The following ADAMTS9 variants were observed in gnomAD, a reference collection of about 807,000 sequenced individuals.
ADAMTS9 encodes the protein A disintegrin and metalloproteinase with thrombospondin motifs 9.
ADAMTS9 carries 107 observed loss-of-function variants against 257.1 expected under a neutral mutation model. The observed-to-expected ratio is 0.42, with a 90% CI of 0.36 to 0.49. The LOEUF is 0.49. Among genes scored for constraint, ADAMTS9 ranks in the 20% least tolerant of loss-of-function variants. The pLI is 0.03. For missense variants in ADAMTS9, 2,353 were observed against 2,469.1 expected, an observed-to-expected ratio of 0.95 and a Z score of 1.00; for synonymous variants, 982 against 880.9, an observed-to-expected ratio of 1.11 and a Z score of -2.03.
intron 28 of ADAMTS9, chr3:64,592,801 A>T (rs978197346): frequency 1.3e-5 from 2 of 152,024 alleles, no homozygotes; most frequent in Non-Finnish European, 2.9e-5. Context: ...AAAGTTAATG[A>T]ACTACGACTT....
intron 19 of ADAMTS9, among the ~76,000 whole-genome samples, chr3:64,619,334 C>G (rs1576124265): frequency 1.3e-5 from 2 of 152,068 alleles, no homozygotes; most frequent in South Asian, 4.2e-4. Flanking sequence ...TTTCTTTTCA[C>G]AAAGGAAGAG....
At chr3:64,622,140 A>T in intron 18 of ADAMTS9, 58 bp downstream of exon 18, 1 of 1,521,058 alleles carries the variant, frequency 6.6e-7, no homozygotes, top group Non-Finnish European at 8.8e-7. Flanking sequence ...TATTAAAAAT[A>T]AATAAATAAA....
intron 16 of ADAMTS9, among the ~76,000 whole-genome samples, chr3:64,629,851 A>G (rs1700324974): frequency 6.6e-6 from 1 of 152,238 alleles, no homozygotes; most frequent in Admixed American, 6.5e-5. Context: ...TAAATATCAT[A>G]CTTGATTAGC....
At chr3:64,552,120 T>C (rs534236473) in intron 30 of ADAMTS9, among the ~76,000 whole-genome samples, 1 of 152,176 alleles carries the variant, frequency 6.6e-6, no homozygotes, top group Non-Finnish European at 1.5e-5. Flanking sequence ...ATTACTGTAA[T>C]TCCGTTTTCC....
At chr3:64,633,656 G>A (rs1700426529) in intron 13 of ADAMTS9, 42 bp downstream of exon 13, 1 of 1,613,736 alleles carries the variant, frequency 6.2e-7, no homozygotes, top group African/African-American at 1.3e-5. Flanking sequence ...TGGCCTCAGT[G>A]CCGGCCGGCC....
At chr3:64,622,086 C>A in intron 18 of ADAMTS9, 112 bp downstream of exon 18, 1 of 1,120,136 alleles carries the variant, frequency 8.9e-7, no homozygotes, top group South Asian at 2.3e-5. Flanking sequence ...GATTAGAGAA[C>A]GTATGCAGAT....
intron 21 of ADAMTS9, 49 bp downstream of exon 21, chr3:64,615,272 C>A (rs753940275): frequency 1.3e-6 from 2 of 1,591,564 alleles, no homozygotes; most frequent in South Asian, 2.3e-5. Flanking sequence ...AGCACCAGAA[C>A]TAGAATGTAA....
intron 3 of ADAMTS9, among the ~76,000 whole-genome samples, chr3:64,666,004 A>T (rs1483129984): frequency 1.3e-5 from 2 of 152,224 alleles, no homozygotes; most frequent in Non-Finnish European, 2.9e-5. Flanking sequence ...GATAAGTTGA[A>T]ATAAACAACA....
intron 39 of ADAMTS9, among the ~76,000 whole-genome samples, chr3:64,519,731 AG>A (rs1358003743): frequency 2.0e-5 from 3 of 152,172 alleles, no homozygotes; most frequent in Non-Finnish European, 4.4e-5. Flanking sequence ...AAAAAGCATT[AG>A]ATAAAATCCA....
In ADAMTS9 at chr3:64,607,029, G is replaced by A. The variant is rs1259001045; in HGVS notation, c.3405C>T (p.Ile1135=). ...CTACCACTGACATATAAGTCCCAAT[G>A]ATGCATTTCACTGCTCTTAGCTGGT... ...QGYQLRAVKC[I]IGTYMSVVDD... The change falls in exon 23 of 40, where the codon ATC becomes ATT. Residue 1135 remains isoleucine (I), a synonymous_variant. Transcript: ENST00000498707. 5.0e-6 allele frequency: 8 copies of A among 1,613,874 alleles called. No individual in the cohort carries two copies. The highest frequency in any genetic ancestry group is 1.1e-5 in the South Asian group (1 of 91,072).
chr3:64,594,437 G>A lies in ADAMTS9; in HGVS notation c.4180-3C>T, dbSNP rs2084323864. 1 of 1,606,924 alleles carries A rather than the reference G, an allele frequency of 6.2e-7. No homozygotes were observed. The highest frequency in any genetic ancestry group is 1.3e-5 in the African/African-American group (1 of 74,636). On this transcript the variant is annotated splice_region_variant and splice_polypyrimidine_tract_variant and intron_variant, in intron 27 of 39. Transcript: ENST00000498707. ...CCTCCACCACACAGCTTAGTGCACT[G>A]GAAGAAGGAAAAGGAAGGCTGCAGT... is the stretch of plus-strand genomic sequence containing the variant.
chr3:64,585,687 C>G (rs775668817), intron 28 of ADAMTS9, among the ~76,000 whole-genome samples: 1 of 152,120 alleles, frequency 6.6e-6, no homozygotes, highest in Admixed American at 6.6e-5. Context: ...AATCTATCAT[C>G]CTGACTATCT....
Position 64,517,655 on chromosome 3 carries a change from C to T in ADAMTS9, c.*6-534G>A, listed in dbSNP as rs138675458. 7.5e-4 allele frequency among the ~76,000 whole-genome samples: 114 copies of T among 151,710 alleles called. 2 individuals are homozygous for T. In the East Asian group the frequency reaches 0.019, roughly 25 times the overall value. ...TTAAAAACCCACTAGCCTGAAATCC[C>T]CCCACCTGAGATAACTGCTCTTCAT... On this transcript the variant is annotated intron_variant, in intron 39 of 39. Transcript: ENST00000498707.
At chr3:64,641,082 T>C (rs547561489) in intron 12 of ADAMTS9, among the ~76,000 whole-genome samples, 2 of 152,070 alleles carry the variant, frequency 1.3e-5, no homozygotes, top group East Asian at 1.9e-4. Flanking sequence ...AACACATTAT[T>C]GGTGGGAAAA....
chr3:64,664,607 T>C (rs1701307062), intron 3 of ADAMTS9, among the ~76,000 whole-genome samples: 1 of 152,188 alleles, frequency 6.6e-6, no homozygotes, highest in Admixed American at 6.5e-5. Flanking sequence ...GCATCAGTAT[T>C]CCATTACTTG....
chr3:64,647,315 G>T (rs1162205605), intron 11 of ADAMTS9, among the ~76,000 whole-genome samples: 1 of 152,052 alleles, frequency 6.6e-6, no homozygotes, highest in South Asian at 2.1e-4. Flanking sequence ...GGTACAGAAG[G>T]TTAAGTTAAT....
chr3:64,553,185 G>A (rs1423206444), intron 30 of ADAMTS9, among the ~76,000 whole-genome samples: 1 of 152,114 alleles, frequency 6.6e-6, no homozygotes, highest in Non-Finnish European at 1.5e-5. Context: ...AGGAAGCCTT[G>A]TACCCGTTCA....
intron 19 of ADAMTS9, among the ~76,000 whole-genome samples, chr3:64,620,274 T>C (rs1018909889): frequency 1.3e-5 from 2 of 152,216 alleles, no homozygotes; most frequent in Non-Finnish European, 2.9e-5. Context: ...TAATCTGCCC[T>C]AAAGCACTAC....
In ADAMTS9 at chr3:64,539,221, G is replaced by A. The variant is rs148016958; in HGVS notation, c.5595C>T (p.Ser1865=). The A allele has an allele frequency of 2.3e-5, 37 of 1,613,774 alleles. No individual in the cohort carries two copies. The highest frequency in any genetic ancestry group is 1.6e-4 in the Middle Eastern group (1 of 6,078). The stretch of plus-strand genomic sequence containing the variant: ...GACATACCTGTGGGCACTTGGCAGC[G>A]CTGTAGCAATCCCCGGCTGTGGCAA... ...VPFATAGDCY[S]AAKCPQGRFS... The change falls in exon 37 of 40, where the codon AGC becomes AGT. Residue 1865 remains serine (S), a synonymous_variant. Coordinates refer to ENST00000498707, the MANE Select transcript of ADAMTS9 (RefSeq NM_182920.2).
Sources: allele counts gnomAD v4.1 joint callset (sites outside exome capture counted in the v4.1 genomes callset), GRCh38; gene constraint gnomAD v4.1.1; transcripts MANE v1.5; gene names NCBI Gene and HGNC (gene_info 2026-07-23, HGNC 2026-07-21).